The following RIT2 variants were observed in gnomAD, a reference collection of about 807,000 sequenced individuals.
RIT2 encodes the protein Ras like without CAAX 2.
RIT2 carries 24 observed loss-of-function variants against 23.7 expected under a neutral mutation model. The observed-to-expected ratio is 1.01, with a 90% CI of 0.73 to 1.43. The LOEUF is 1.43. Ranked by LOEUF, RIT2 falls within the 40% of genes most tolerant of loss-of-function variation. The pLI, the probability that RIT2 is intolerant of heterozygous loss-of-function variation, is 0.00. For synonymous variants in RIT2, 107 were observed against 91.1 expected, an observed-to-expected ratio of 1.17 and a Z score of -0.99; for missense variants, 236 against 266.9, an observed-to-expected ratio of 0.88 and a Z score of 0.81.
intron 1 of RIT2, among the ~76,000 whole-genome samples, chr18:43,055,931 G>C (rs929410018): frequency 2.0e-5 from 3 of 152,056 alleles, no homozygotes; most frequent in African/African-American, 7.2e-5. Context: ...AAGGTTACGG[G>C]TTAGCAATAG....
At chr18:43,057,604 T>C (rs778997105) in intron 1 of RIT2, among the ~76,000 whole-genome samples, 1 of 151,854 alleles carries the variant, frequency 6.6e-6, no homozygotes. Flanking sequence ...TGCACGCACA[T>C]GCATGCACAT....
chr18:43,074,145 G>C (rs754751928), intron 1 of RIT2, among the ~76,000 whole-genome samples: 1 of 152,058 alleles, frequency 6.6e-6, no homozygotes, highest in Admixed American at 6.5e-5. Context: ...TGCTATTTAG[G>C]AGCAGCATAA....
chr18:42,802,422 A>C (rs1017026055), intron 4 of RIT2, among the ~76,000 whole-genome samples: 1 of 152,192 alleles, frequency 6.6e-6, no homozygotes, highest in Non-Finnish European at 1.5e-5. Flanking sequence ...TGGCCCTGAT[A>C]AGATAACATC....
chr18:43,086,126 T>C (rs1268624389), intron 1 of RIT2, among the ~76,000 whole-genome samples: 1 of 152,170 alleles, frequency 6.6e-6, no homozygotes, highest in Non-Finnish European at 1.5e-5. Context: ...GATTTTTAAA[T>C]ATTTGCATTA....
intron 2 of RIT2, among the ~76,000 whole-genome samples, chr18:42,997,440 CGAAA>C (rs997089998): frequency 2.7e-5 from 4 of 148,676 alleles, no homozygotes; most frequent in East Asian, 2.0e-4. Flanking sequence ...AAAAAAGGAA[CGAAA>C]GAAAGAAAGA....
chr18:42,810,116 A>G (rs927947435), intron 4 of RIT2, among the ~76,000 whole-genome samples: 44 of 146,820 alleles, frequency 3.0e-4, no homozygotes, highest in Middle Eastern at 3.6e-3. Flanking sequence ...TATATCTATT[A>G]TGTATCAATT....
intron 1 of RIT2, among the ~76,000 whole-genome samples, chr18:43,109,917 T>G (rs1598789083): frequency 6.6e-6 from 1 of 152,154 alleles, no homozygotes; most frequent in South Asian, 2.1e-4. Context: ...ATTGGGAACC[T>G]TTTTCTGCTT....
chr18:42,824,531 A>G (rs1418603757), intron 4 of RIT2, among the ~76,000 whole-genome samples: 1 of 152,072 alleles, frequency 6.6e-6, no homozygotes, highest in Non-Finnish European at 1.5e-5. Flanking sequence ...TCAAAGATGC[A>G]TAAAATTATA....
intron 2 of RIT2, among the ~76,000 whole-genome samples, chr18:42,980,498 G>A (rs1363992592): frequency 6.6e-6 from 1 of 151,872 alleles, no homozygotes; most frequent in Non-Finnish European, 1.5e-5. Flanking sequence ...TAGGTAATAG[G>A]GTAGTTGATA....
intron 4 of RIT2, among the ~76,000 whole-genome samples, chr18:42,893,143 G>A (rs180800667): frequency 1.3e-4 from 20 of 148,930 alleles, no homozygotes; most frequent in Admixed American, 1.2e-3. Context: ...CAGGAGAATC[G>A]CTTAAACCCA....
chr18:42,749,531 C>A (rs1315847511), intron 4 of RIT2, among the ~76,000 whole-genome samples: 3 of 151,652 alleles, frequency 2.0e-5, no homozygotes, highest in Non-Finnish European at 4.4e-5. Flanking sequence ...AACATGAATT[C>A]TTTTTATAAA....
intron 3 of RIT2, among the ~76,000 whole-genome samples, chr18:42,924,618 G>A (rs1000512780): frequency 6.6e-6 from 1 of 152,034 alleles, no homozygotes; most frequent in African/African-American, 2.4e-5. Context: ...CTTAACTTCT[G>A]TTGGTGGAAT....
rs539284292 is a variant in RIT2, at chr18:42,965,168, T to C, written c.234+8906A>G. On this transcript the variant is annotated intron_variant, in intron 3 of 4. Coordinates refer to ENST00000326695, the MANE Select transcript of RIT2 (RefSeq NM_002930.4). ...ATGATCCATGTCCAATACTGAATAGTTCACTGTTAAATGAATGAACAAACC... is the reference window on the plus strand; with the variant it reads ...ATGATCCATGTCCAATACTGAATAGCTCACTGTTAAATGAATGAACAAACC... 3.3e-5 allele frequency among the ~76,000 whole-genome samples: 5 copies of C among 152,328 alleles called. No individual in the cohort carries two copies. The South Asian group carries it at 1.0e-3, about 32-fold the overall frequency.
At chr18:42,919,998 T>C (rs181486620) in intron 4 of RIT2, among the ~76,000 whole-genome samples, 10 of 152,232 alleles carry the variant, frequency 6.6e-5, no homozygotes, top group African/African-American at 1.4e-4. Flanking sequence ...TTTTTGGCTG[T>C]TATAAAACAC....
chr18:43,020,713 T>G (rs1911576240), intron 2 of RIT2, among the ~76,000 whole-genome samples: 1 of 151,930 alleles, frequency 6.6e-6, no homozygotes. Flanking sequence ...ATCCACAAAT[T>G]TATAGCCAAT....
intron 4 of RIT2, among the ~76,000 whole-genome samples, chr18:42,752,280 A>G (rs370124254): frequency 6.6e-6 from 1 of 152,322 alleles, no homozygotes. Context: ...TAATTAACAT[A>G]TTCTTTTAGC....
intron 2 of RIT2, among the ~76,000 whole-genome samples, chr18:43,025,713 G>C (rs1911701444): frequency 6.6e-6 from 1 of 152,024 alleles, no homozygotes; most frequent in Non-Finnish European, 1.5e-5. Flanking sequence ...GAGGCAATTA[G>C]CTTATGTGAA....
At chr18:42,762,258 A>G (rs1231872187) in intron 4 of RIT2, among the ~76,000 whole-genome samples, 1 of 152,188 alleles carries the variant, frequency 6.6e-6, no homozygotes, top group Non-Finnish European at 1.5e-5. Flanking sequence ...TCTTCTATTC[A>G]TTGTTTTATC....
intron 4 of RIT2, among the ~76,000 whole-genome samples, chr18:42,851,062 T>G (rs544719507): frequency 6.6e-6 from 1 of 152,336 alleles, no homozygotes; most frequent in African/African-American, 2.4e-5. Flanking sequence ...ATAAATGAAT[T>G]ATAATGAATT....
Sources: gnomAD v4.1 joint callset for allele counts (sites outside exome capture counted in the v4.1 genomes callset) on GRCh38, gnomAD v4.1.1 for gene constraint, MANE v1.5 for transcripts, NCBI Gene and HGNC (gene_info 2026-07-23, HGNC 2026-07-21) for gene names.